Variants in CREBBP observed in about 807,000 individuals in gnomAD.
CREBBP encodes the protein CREB binding lysine acetyltransferase.
Under a neutral mutation model 265.0 loss-of-function variants are expected in CREBBP, and 19 were observed. The ratio of observed to expected loss-of-function variants is 0.07; its 90% CI spans 0.05 to 0.11. CREBBP has a LOEUF of 0.11. CREBBP is among the 10% of genes least tolerant of loss of function. CREBBP has a pLI of 1.00. For synonymous variants in CREBBP, 1,457 were observed against 1,223.7 expected (o/e 1.19, Z -3.98); for missense variants, 2,525 against 3,219.0 (o/e 0.78, Z 5.22).
At chr16:3,748,797 G>A (rs531908927) in intron 21 of CREBBP, among the ~76,000 whole-genome samples, 14 of 152,174 alleles carry the variant, frequency 9.2e-5, no homozygotes, top group Non-Finnish European at 2.1e-4. Context: ...TCTCTTTAGG[G>A]GCTGTTATGA....
intron 2 of CREBBP, among the ~76,000 whole-genome samples, chr16:3,847,490 G>A (rs576492687): frequency 6.6e-6 from 1 of 152,066 alleles, no homozygotes; most frequent in East Asian, 1.9e-4. Flanking sequence ...CAAAGGCAAC[G>A]ACACATCTTT....
chr16:3,796,669 G>A (rs764157423), intron 3 of CREBBP, among the ~76,000 whole-genome samples: 2 of 152,218 alleles, frequency 1.3e-5, no homozygotes, highest in Non-Finnish European at 2.9e-5. Context: ...TTACAGGCAT[G>A]AGCCACCACG....
At chr16:3,849,378 CGTGTGTGTGTGTGTGTGT>C in intron 2 of CREBBP, among the ~76,000 whole-genome samples, 1 of 103,928 alleles carries the variant, frequency 9.6e-6, no homozygotes, top group African/African-American at 4.5e-5. Flanking sequence ...AGCTCTTGGC[CGTGTGTGTGTGTGTGTGT>C]GTGTGTGTGT....
intron 3 of CREBBP, among the ~76,000 whole-genome samples, chr16:3,806,885 A>G (rs2053841459): frequency 6.6e-6 from 1 of 151,792 alleles, no homozygotes; most frequent in Non-Finnish European, 1.5e-5. Flanking sequence ...TGCTGTCCCA[A>G]TACCCTGGGG....
At chr16:3,743,368 T>C (rs1364575655) in intron 23 of CREBBP, 1 of 152,270 alleles carries the variant, frequency 6.6e-6, no homozygotes, top group Non-Finnish European at 1.5e-5. Context: ...AGAGGCAGTG[T>C]AAGCTATTGC....
chr16:3,772,253 T>C (rs1460882551), intron 13 of CREBBP, among the ~76,000 whole-genome samples: 1 of 151,558 alleles, frequency 6.6e-6, no homozygotes, highest in Non-Finnish European at 1.5e-5. Context: ...ATAAAAGTTA[T>C]TGACCATAAA....
At chr16:3,769,089 C>G in intron 15 of CREBBP, 85 bp downstream of exon 15, 2 of 1,470,984 alleles carry the variant, frequency 1.4e-6, no homozygotes, top group Non-Finnish European at 9.5e-7. Flanking sequence ...TCAGGGATAC[C>G]CATGGCAGGC....
At chr16:3,737,537 G>T (rs1372001262) in intron 26 of CREBBP, among the ~76,000 whole-genome samples, 1 of 151,122 alleles carries the variant, frequency 6.6e-6, no homozygotes, top group South Asian at 2.1e-4. Flanking sequence ...TCGACTCAGC[G>T]CATCCTCTGT....
chr16:3,731,265 T>C lies in CREBBP; in HGVS notation c.5099A>G (p.Gln1700Arg). 2 of 1,614,216 alleles carry C rather than the reference T, an allele frequency of 1.2e-6. No individual in the cohort carries two copies. The highest frequency in any genetic ancestry group is 1.7e-6 in the Non-Finnish European group (2 of 1,180,040). The change falls in exon 30 of 31, where the codon CAG becomes CGG. Residue 1700 changes from glutamine (Q) to arginine (R), a missense_variant. By Grantham distance (43) the Gln-to-Arg change is conservative. Coordinates refer to ENST00000262367, the MANE Select transcript of CREBBP (RefSeq NM_004380.3). The surrounding 1 kb of genome is among the most constrained non-coding windows in gnomAD (Gnocchi z 7.7). The stretch of plus-strand genomic sequence containing the variant: ...GTTGCAGGTGTAGACAAAGCGGTCC[T>C]GGCCCTGGGTGTGCAGCTCCACCAG... ...CMLVELHTQG[Q>R]DRFVYTCNEC...
In CREBBP at chr16:3,781,320, AAAG is replaced by A. The variant is rs2053269924; in HGVS notation, c.1574-17_1574-15del. 6.2e-7 allele frequency: 1 copy of A among 1,604,134 alleles called. No individual in the cohort carries two copies. Among genetic ancestry groups the A allele is most frequent in the Non-Finnish European group, 8.5e-7 (1 of 1,171,856 alleles). On this transcript the variant is annotated splice_polypyrimidine_tract_variant and intron_variant, in intron 6 of 30. Coordinates refer to ENST00000262367, the MANE Select transcript of CREBBP (RefSeq NM_004380.3). ...TTGGATTATTTCCTTTAAAGACAGAAAAGAAATCAATCAACAGTTAAATTTTAA... is the reference window on the plus strand; with the variant it reads ...TTGGATTATTTCCTTTAAAGACAGAAAAATCAATCAACAGTTAAATTTTAA...
At chr16:3,827,851 C>A (rs2098263960) in intron 2 of CREBBP, among the ~76,000 whole-genome samples, 1 of 152,116 alleles carries the variant, frequency 6.6e-6, no homozygotes, top group African/African-American at 2.4e-5. Flanking sequence ...CCACCACACC[C>A]AGCTAATTTT....
chr16:3,793,838 T>G (rs2053553814), intron 3 of CREBBP, among the ~76,000 whole-genome samples: 1 of 151,950 alleles, frequency 6.6e-6, no homozygotes. Context: ...CAAGTTCACT[T>G]GTATACAATT....
intron 15 of CREBBP, among the ~76,000 whole-genome samples, chr16:3,768,134 G>GTGTTTTTT (rs2052904566): frequency 1.7e-5 from 1 of 58,996 alleles, no homozygotes; most frequent in East Asian, 6.2e-4. Context: ...AAATTTAAAA[G>GTGTTTTTT]TGTTTTTTTT....
intron 12 of CREBBP, among the ~76,000 whole-genome samples, 168 bp from the exon 13 acceptor site, chr16:3,774,098 G>A (rs145471287): frequency 2.0e-3 from 301 of 152,268 alleles, no homozygotes; most frequent in African/African-American, 6.8e-3. Context: ...AAGAACTCCC[G>A]CGCTCCTGGG....
At chr16:3,826,429 G>A (rs1307591915) in intron 2 of CREBBP, among the ~76,000 whole-genome samples, 10 of 152,144 alleles carry the variant, frequency 6.6e-5, no homozygotes, top group Admixed American at 4.6e-4. Flanking sequence ...GCATGGAGGA[G>A]GGAAGCGGAG....
rs1034809068 is a variant in CREBBP, at chr16:3,767,654, C to G, written c.3250+66G>C. 19 of 1,601,264 alleles carry G rather than the reference C, an allele frequency of 1.2e-5. No homozygotes were observed. The African/African-American group carries it at 2.5e-4, about 21-fold the overall frequency. On this transcript the variant is annotated intron_variant, in intron 16 of 30. Transcript: ENST00000262367. ...TGTTTCTACTTTAGCTTTTAATCCT[C>G]CACATGGAATCCTAACACCGTGGAA...
intron 2 of CREBBP, among the ~76,000 whole-genome samples, chr16:3,827,590 A>C (rs1048485517): frequency 6.6e-6 from 1 of 151,922 alleles, no homozygotes; most frequent in Non-Finnish European, 1.5e-5. Flanking sequence ...ACGGGGTTTC[A>C]CCTAGTTAGC....
At chr16:3,777,951 A>G (rs914323497) in intron 10 of CREBBP, 60 bp downstream of exon 10, 1 of 1,573,842 alleles carries the variant, frequency 6.4e-7, no homozygotes, top group Non-Finnish European at 8.7e-7. Flanking sequence ...ATACACCCCA[A>G]ACACGAAGGA....
intron 2 of CREBBP, among the ~76,000 whole-genome samples, chr16:3,818,303 CTTTTT>C (rs71133660): frequency 5.6e-5 from 6 of 106,450 alleles, no homozygotes; most frequent in African/African-American, 1.8e-4. Flanking sequence ...GTTTTCTTTT[CTTTTT>C]TTTTTTTTTT....
Sources: allele counts gnomAD v4.1 joint callset (sites outside exome capture counted in the v4.1 genomes callset), GRCh38; gene constraint gnomAD v4.1.1; non-coding constraint Gnocchi (gnomAD v3.1); transcripts MANE v1.5; gene names NCBI Gene and HGNC (gene_info 2026-07-23, HGNC 2026-07-21).